Variants in ENTREP2 observed in about 807,000 individuals in gnomAD.
ENTREP2 encodes endosomal transmembrane epsin interactor 2.
the ENTREP2 span, among the ~76,000 whole-genome samples, chr15:29,587,533 C>A: frequency 6.6e-6 from 1 of 152,176 alleles, no homozygotes; most frequent in Admixed American, 6.5e-5. Flanking sequence ...TTAAAACTCA[C>A]TGGTTGCCCT....
the ENTREP2 span, among the ~76,000 whole-genome samples, chr15:29,404,837 C>T: frequency 1.3e-5 from 2 of 152,088 alleles, no homozygotes; most frequent in Non-Finnish European, 2.9e-5. Flanking sequence ...CCACAGGAGG[C>T]CCCACTCACC....
At chr15:29,411,895 C>G in the ENTREP2 span, among the ~76,000 whole-genome samples, 1 of 152,158 alleles carries the variant, frequency 6.6e-6, no homozygotes, top group Non-Finnish European at 1.5e-5. Context: ...TGCCCTGCAT[C>G]GTTTCATATA....
the ENTREP2 span, among the ~76,000 whole-genome samples, chr15:29,338,777 CTTTT>C: frequency 6.6e-6 from 1 of 152,186 alleles, no homozygotes; most frequent in Non-Finnish European, 1.5e-5. Flanking sequence ...TTATGCCTTT[CTTTT>C]TAATTGCAAA....
At chr15:29,658,258 T>G in the ENTREP2 span, among the ~76,000 whole-genome samples, 1 of 152,190 alleles carries the variant, frequency 6.6e-6, no homozygotes, top group Non-Finnish European at 1.5e-5. Context: ...GCACTCATTT[T>G]TTTCTCTCCT....
At chr15:29,437,999 T>C in the ENTREP2 span, among the ~76,000 whole-genome samples, 1 of 152,164 alleles carries the variant, frequency 6.6e-6, no homozygotes, top group Non-Finnish European at 1.5e-5. Context: ...TATCAGCTAC[T>C]CAGTAAGTTA....
At chr15:29,665,015 T>C in the ENTREP2 span, among the ~76,000 whole-genome samples, 2 of 152,188 alleles carry the variant, frequency 1.3e-5, no homozygotes, top group African/African-American at 4.8e-5. Context: ...AAAGAGAACA[T>C]TGCAGTCATC....
the ENTREP2 span, among the ~76,000 whole-genome samples, chr15:29,436,645 T>A: frequency 3.9e-5 from 6 of 152,178 alleles, no homozygotes; most frequent in Non-Finnish European, 7.4e-5. Context: ...CTGCCCAGTA[T>A]CAAGAAAATT....
chr15:29,577,684 G>C, the ENTREP2 span, among the ~76,000 whole-genome samples: 1 of 152,140 alleles, frequency 6.6e-6, no homozygotes, highest in Non-Finnish European at 1.5e-5. Flanking sequence ...AGCAAACCAA[G>C]TGTCCATCCT....
chr15:29,634,980 G>A, the ENTREP2 span, among the ~76,000 whole-genome samples: 2 of 152,120 alleles, frequency 1.3e-5, no homozygotes, highest in Non-Finnish European at 2.9e-5. Context: ...GAGTAGCTGG[G>A]ACTACAGGCG....
chr15:29,609,642 G>A, the ENTREP2 span: 10 of 149,522 alleles, frequency 6.7e-5, no homozygotes, highest in Admixed American at 6.1e-4. Context: ...AATTATTATT[G>A]TTACCCAATT....
At chr15:29,124,874 G>A in the ENTREP2 span, 1 of 936,682 alleles carries the variant, frequency 1.1e-6, no homozygotes, top group Non-Finnish European at 1.6e-6. Context: ...AGCAGGAGAA[G>A]CCTGCTGAGC....
chr15:29,624,734 T>C, the ENTREP2 span, among the ~76,000 whole-genome samples: 1 of 152,174 alleles, frequency 6.6e-6, no homozygotes, highest in African/African-American at 2.4e-5. Flanking sequence ...TGTTGAGCCC[T>C]CCCTCACCTT....
At chr15:29,346,766 A>T in the ENTREP2 span, among the ~76,000 whole-genome samples, 1 of 152,080 alleles carries the variant, frequency 6.6e-6, no homozygotes, top group African/African-American at 2.4e-5. Flanking sequence ...TTCTTTTTTT[A>T]AATTATAAAT....
At chr15:29,619,648 G>A in the ENTREP2 span, among the ~76,000 whole-genome samples, 1 of 151,958 alleles carries the variant, frequency 6.6e-6, no homozygotes, top group Non-Finnish European at 1.5e-5. Context: ...TTGCAGTAGT[G>A]GACAAATGGA....
At chr15:29,381,455 CAAAAAAAA>C in the ENTREP2 span, among the ~76,000 whole-genome samples, 8 of 44,310 alleles carry the variant, frequency 1.8e-4, no homozygotes, top group South Asian at 1.5e-3. Context: ...GACTCTGTCT[CAAAAAAAA>C]AAAAAAAAAA....
the ENTREP2 span, among the ~76,000 whole-genome samples, chr15:29,559,653 C>T: frequency 4.6e-5 from 7 of 152,112 alleles, no homozygotes; most frequent in African/African-American, 1.7e-4. Context: ...AACTCTCTTC[C>T]TCACATCATT....
At chr15:29,619,049 C>T in the ENTREP2 span, among the ~76,000 whole-genome samples, 839 of 152,272 alleles carry the variant, frequency 5.5e-3, 5 homozygotes, top group African/African-American at 0.019. Flanking sequence ...AGTTTTGAAG[C>T]GAAATCACCC....
At chr15:29,397,061 A>C in the ENTREP2 span, among the ~76,000 whole-genome samples, 2 of 152,182 alleles carry the variant, frequency 1.3e-5, no homozygotes, top group Non-Finnish European at 2.9e-5. Context: ...TTACTGGCTA[A>C]AACTCACAGA....
the ENTREP2 span, chr15:29,265,622 A>G: frequency 2.6e-5 from 4 of 152,252 alleles, no homozygotes; most frequent in African/African-American, 9.6e-5. Context: ...CTGGGCGACA[A>G]GAGCAAGACT....
Sources: allele counts gnomAD v4.1 joint callset (sites outside exome capture counted in the v4.1 genomes callset), GRCh38; gene constraint gnomAD v4.1.1; transcripts MANE v1.5; gene names NCBI Gene and HGNC (gene_info 2026-07-23, HGNC 2026-07-21).